Variants in STX3 observed in about 807,000 individuals in gnomAD.
The protein encoded by STX3 is syntaxin-3.
STX3 carries 19 observed loss-of-function variants against 40.2 expected under a neutral mutation model. The observed-to-expected ratio is 0.47, with a 90% confidence interval of 0.33 to 0.69. The LOEUF is 0.69. Ranked by LOEUF, STX3 falls within the 30% of genes least tolerant of loss-of-function variation. The probability of loss-of-function intolerance (pLI) is 0.02; values close to 1 mark genes in which losing one functional copy is unlikely to be tolerated. For synonymous variants in STX3, 122 were observed against 132.2 expected (o/e 0.92, Z 0.53); for missense variants, 364 against 366.7 (o/e 0.99, Z 0.06).
chr11:59,770,597 A>G (rs1863554562), intron 1 of STX3, among the ~76,000 whole-genome samples: 1 of 152,076 alleles, frequency 6.6e-6, no homozygotes, highest in African/African-American at 2.4e-5. Flanking sequence ...AGTTGATGAT[A>G]CTTGATGAAG....
intron 1 of STX3, among the ~76,000 whole-genome samples, chr11:59,772,040 G>A (rs1863680803): frequency 6.6e-6 from 1 of 152,230 alleles, no homozygotes; most frequent in Non-Finnish European, 1.5e-5. Context: ...GGATTTCCCA[G>A]TAACAACTTC....
intron 9 of STX3, 196 bp downstream of exon 9, chr11:59,795,678 A>G (rs531519626): frequency 6.5e-5 from 100 of 1,536,966 alleles, no homozygotes; most frequent in Middle Eastern, 1.7e-4. Flanking sequence ...GCAGATACCA[A>G]AAAGGCTGTC....
chr11:59,781,591 T>C (rs1426241466), intron 2 of STX3: 2 of 1,613,796 alleles, frequency 1.2e-6, no homozygotes, highest in Non-Finnish European at 1.7e-6. Context: ...CAAGTGATGA[T>C]ACAATCTGGC....
At chr11:59,785,402 G>A (rs1392604909) in intron 2 of STX3, among the ~76,000 whole-genome samples, 6 of 152,172 alleles carry the variant, frequency 3.9e-5, no homozygotes. Context: ...CATGATCATG[G>A]CTCACTGTGG....
In STX3 at chr11:59,791,023, C is replaced by G. The variant is rs537488686; in HGVS notation, c.357+437C>G. Reference sequence around the variant, plus strand: ...TTACCTAAGACCCAGCAGGAGGATGCGACCCAGCAGGAGGATGCGATAAGA... The same window carrying G: ...TTACCTAAGACCCAGCAGGAGGATGGGACCCAGCAGGAGGATGCGATAAGA... On this transcript the variant is annotated intron_variant, in intron 5 of 10. Transcript: ENST00000337979. 1.9e-3 allele frequency among the ~76,000 whole-genome samples: 285 copies of G among 152,102 alleles called. 2 individuals are homozygous for G. Among genetic ancestry groups the G allele is most frequent in the South Asian group, 3.9e-3 (19 of 4,820 alleles).
At position 59,795,859 on chromosome 11, in the gene STX3, A is replaced by G. The variant is rs554666; in HGVS notation, c.786+377A>G. 2.3e-3 allele frequency: 1,643 copies of G among 700,276 alleles called. 27 individuals are homozygous for G. The African/African-American group carries it at 0.025, about 11-fold the overall frequency. 43.4% of individuals were successfully genotyped at this position (700,276 alleles called of 1,614,324 possible). A position where few individuals can be genotyped will look rare whatever the true frequency, so the allele number is the denominator to read the frequency against. ...CCTCCCTCAGCTTTTCCTAGAGACA[A>G]GCTGCCTGCCCTTCCTTCCCAGGTG... is the stretch of plus-strand genomic sequence containing the variant. On this transcript the variant is annotated intron_variant, in intron 9 of 10. Coordinates refer to ENST00000337979, the MANE Select transcript of STX3 (RefSeq NM_004177.5).
intron 2 of STX3, among the ~76,000 whole-genome samples, chr11:59,776,262 C>T (rs1215378032): frequency 6.6e-6 from 1 of 152,136 alleles, no homozygotes; most frequent in Non-Finnish European, 1.5e-5. Flanking sequence ...AAGTTAACTA[C>T]TCTAAACCCC....
At chr11:59,774,406 T>C (rs1241122251) in intron 2 of STX3, among the ~76,000 whole-genome samples, 4 of 150,850 alleles carry the variant, frequency 2.7e-5, no homozygotes, top group Admixed American at 6.6e-5. Flanking sequence ...GCCACTGCAT[T>C]CTAGCCTGGG....
Position 59,804,544 on chromosome 11 carries a change from G to A in STX3, c.*3720G>A, listed in dbSNP as rs1866007847. 1.3e-5 allele frequency: 2 copies of A among 152,162 alleles called. No individual in the cohort carries two copies. Among genetic ancestry groups the A allele is most frequent in the Admixed American group, 6.5e-5 (1 of 15,278 alleles). 9.4% of individuals were successfully genotyped at this position (152,162 alleles called of 1,614,324 possible). ...GTCAGAGGCTGTGTAAAGCCGCTTG[G>A]GAATGGGCTGATCTGCTTATGCAAA... On this transcript the variant is annotated 3_prime_UTR_variant, in exon 11 of 11. Transcript: ENST00000337979.
chr11:59,783,146 T>A (rs1864521172), intron 2 of STX3, among the ~76,000 whole-genome samples: 1 of 152,174 alleles, frequency 6.6e-6, no homozygotes, highest in Non-Finnish European at 1.5e-5. Flanking sequence ...TGTAAAAAGC[T>A]TTCTATAGGG....
intron 1 of STX3, among the ~76,000 whole-genome samples, chr11:59,769,475 C>T (rs1863448970): frequency 1.3e-5 from 2 of 152,114 alleles, no homozygotes; most frequent in Admixed American, 1.3e-4. Flanking sequence ...GTTGGAAACT[C>T]AGAGAGGTTT....
chr11:59,802,832 G>A lies in STX3; in HGVS notation c.*2008G>A. The stretch of plus-strand genomic sequence containing the variant: ...ATGTGCTGGATCAGATGGTTCAAAA[G>A]TGCAATTTTTGAACATGGTTTAACT... On this transcript the variant is annotated 3_prime_UTR_variant, in exon 11 of 11. Coordinates refer to ENST00000337979, the MANE Select transcript of STX3 (RefSeq NM_004177.5). 1.0e-6 allele frequency: 1 copy of A among 992,898 alleles called. No homozygotes were observed. The highest frequency in any genetic ancestry group is 1.2e-6 in the Non-Finnish European group (1 of 835,036). 61.5% of individuals were successfully genotyped at this position (992,898 alleles called of 1,614,324 possible). A position where few individuals can be genotyped will look rare whatever the true frequency, so the allele number is the denominator to read the frequency against.
Position 59,802,125 on chromosome 11 carries a change from A to G in STX3, c.*1301A>G. On this transcript the variant is annotated 3_prime_UTR_variant, in exon 11 of 11. Coordinates refer to ENST00000337979, the MANE Select transcript of STX3 (RefSeq NM_004177.5). ...ATTCACATGACCTACAGGATGTCCCATCTGCAGGGCTGAGTCAGTTGGGGA... is the reference window on the plus strand; with the variant it reads ...ATTCACATGACCTACAGGATGTCCCGTCTGCAGGGCTGAGTCAGTTGGGGA... The G allele has an allele frequency of 3.0e-6, 3 of 985,434 alleles. No homozygotes were observed. Among genetic ancestry groups the G allele is most frequent in the Non-Finnish European group, 3.6e-6 (3 of 829,938 alleles). The allele number at this position is 985,434 out of a possible 1,614,324, so 61.0% of individuals were successfully genotyped here. A position where few individuals can be genotyped will look rare whatever the true frequency, so the allele number is the denominator to read the frequency against.
At chr11:59,795,097 A>T (rs931960984) in intron 8 of STX3, among the ~76,000 whole-genome samples, 1 of 152,242 alleles carries the variant, frequency 6.6e-6, no homozygotes, top group Non-Finnish European at 1.5e-5. Flanking sequence ...GAGTATATTT[A>T]TAGGTAGTTA....
At chr11:59,794,198 C>G (rs955891516) in intron 8 of STX3, among the ~76,000 whole-genome samples, 5 of 152,108 alleles carry the variant, frequency 3.3e-5, no homozygotes, top group Non-Finnish European at 7.4e-5. Flanking sequence ...AGACTCGAAA[C>G]ACTCGTGGTG....
chr11:59,773,424 C>A, intron 2 of STX3, 130 bp downstream of exon 2: 1 of 752,596 alleles, frequency 1.3e-6, no homozygotes, highest in Non-Finnish European at 2.2e-6. Flanking sequence ...GTGGGATGGC[C>A]AGACAAAGAA....
At chr11:59,766,051 C>T (rs1050741513) in intron 1 of STX3, among the ~76,000 whole-genome samples, 18 of 152,192 alleles carry the variant, frequency 1.2e-4, no homozygotes, top group African/African-American at 3.1e-4. Flanking sequence ...CAGATATACC[C>T]TTTCCCCTCT....
At chr11:59,755,369 G>A (rs1009698828), upstream of STX3, 7 of 340,808 alleles carry the variant, frequency 2.1e-5, no homozygotes, top group Non-Finnish European at 2.6e-5. Flanking sequence ...GCGCCGGCCC[G>A]GGAGCCGGAT....
chr11:59,792,733 G>A (rs532043931), intron 6 of STX3, among the ~76,000 whole-genome samples: 24 of 152,294 alleles, frequency 1.6e-4, no homozygotes, highest in African/African-American at 4.8e-4. Flanking sequence ...GGAGTGGCAG[G>A]TTGTCTAGGG....
Sources: allele counts gnomAD v4.1 joint callset (sites outside exome capture counted in the v4.1 genomes callset), GRCh38; gene constraint gnomAD v4.1.1; transcripts MANE v1.5; gene names NCBI Gene and HGNC (gene_info 2026-07-23, HGNC 2026-07-21).